Variants in SYT9 observed in about 807,000 individuals in gnomAD.
The protein encoded by SYT9 is synaptotagmin 9, also known as synaptotagmin-9.
SYT9 carries 22 observed loss-of-function variants against 48.4 expected under a neutral mutation model. The observed-to-expected ratio is 0.45, with a 90% CI of 0.32 to 0.65. The LOEUF (loss-of-function observed/expected upper bound fraction) is 0.65, where lower values mean the gene tolerates loss of function less well. Ranked by LOEUF, SYT9 falls within the 30% of genes least tolerant of loss-of-function variation. The probability of loss-of-function intolerance (pLI) is 0.03; values close to 1 mark genes in which losing one functional copy is unlikely to be tolerated. For synonymous variants in SYT9, 265 were observed against 245.0 expected (o/e 1.08, Z -0.76); for missense variants, 577 against 622.0 (o/e 0.93, Z 0.77).
chr11:7,303,800 T>C (rs1217137266), intron 2 of SYT9, among the ~76,000 whole-genome samples: 1 of 152,190 alleles, frequency 6.6e-6, no homozygotes, highest in East Asian at 1.9e-4. Flanking sequence ...GAATCTGAGC[T>C]CTTAACCACC....
rs545351963 is a variant in SYT9, at chr11:7,467,970, C to G, written c.*1170C>G. ...ACCAAGTCTGCCAACCAATGGCCAG[C>G]TATGCGCCTCATCCTCATTGCTTCT... On this transcript the variant is annotated 3_prime_UTR_variant, in exon 7 of 7. Transcript: ENST00000318881. 5 of 283,962 alleles carry G rather than the reference C, an allele frequency of 1.8e-5. No individual in the cohort carries two copies. Among genetic ancestry groups the G allele is most frequent in the African/African-American group, 6.5e-5 (3 of 45,986 alleles). 17.6% of individuals were successfully genotyped at this position (283,962 alleles called of 1,614,324 possible).
At chr11:7,426,035 AG>A (rs1478248565) in intron 6 of SYT9, among the ~76,000 whole-genome samples, 1 of 152,230 alleles carries the variant, frequency 6.6e-6, no homozygotes, top group African/African-American at 2.4e-5. Flanking sequence ...AAACAGGAAG[AG>A]GTAAATGAAC....
At chr11:7,381,070 C>T (rs79749210) in intron 3 of SYT9, among the ~76,000 whole-genome samples, 2,472 of 152,166 alleles carry the variant, frequency 0.016, 71 homozygotes, top group African/African-American at 0.057. Context: ...TTGAATCATT[C>T]GTGGCATGCT....
intron 3 of SYT9, among the ~76,000 whole-genome samples, chr11:7,318,280 A>G (rs1362354106): frequency 6.6e-6 from 1 of 151,226 alleles, no homozygotes; most frequent in East Asian, 1.9e-4. Context: ...TCTTTATGTT[A>G]ATATATCTTC....
At chr11:7,362,936 G>A (rs1326489155) in intron 3 of SYT9, among the ~76,000 whole-genome samples, 1 of 75,292 alleles carries the variant, frequency 1.3e-5, no homozygotes, top group East Asian at 3.5e-4. Context: ...CTTTCTTCTT[G>A]CCATTTATTG....
At chr11:7,300,464 T>G (rs1402570234) in intron 1 of SYT9, among the ~76,000 whole-genome samples, 4 of 152,234 alleles carry the variant, frequency 2.6e-5, no homozygotes, top group Non-Finnish European at 4.4e-5. Context: ...GGATTTATGC[T>G]TCTCCCTTGG....
intron 6 of SYT9, among the ~76,000 whole-genome samples, chr11:7,423,600 T>C (rs1847396643): frequency 6.6e-6 from 1 of 152,180 alleles, no homozygotes; most frequent in South Asian, 2.1e-4. Context: ...TAATAAACAC[T>C]CAGTAAAGTT....
In SYT9 at chr11:7,333,982, C is replaced by T. The variant is rs188628729; in HGVS notation, c.1044+20041C>T. 7.2e-5 allele frequency among the ~76,000 whole-genome samples: 11 copies of T among 152,216 alleles called. No individual in the cohort carries two copies. The East Asian group carries it at 1.5e-3, about 21-fold the overall frequency. ...GTGCTGCAGAGGAAACGTAGGCAAGCGCTTCCTGTGGCACCTAACCTGGCC... is the reference window on the plus strand; with the variant it reads ...GTGCTGCAGAGGAAACGTAGGCAAGTGCTTCCTGTGGCACCTAACCTGGCC... On this transcript the variant is annotated intron_variant, in intron 3 of 6. Coordinates refer to ENST00000318881, the MANE Select transcript of SYT9 (RefSeq NM_175733.4).
At chr11:7,386,931 A>G (rs1850672408) in intron 3 of SYT9, among the ~76,000 whole-genome samples, 1 of 152,242 alleles carries the variant, frequency 6.6e-6, no homozygotes, top group South Asian at 2.1e-4. Flanking sequence ...GGATTAAGAA[A>G]ATGTGGCACA....
At chr11:7,369,966 A>C (rs1464251648) in intron 3 of SYT9, among the ~76,000 whole-genome samples, 1 of 152,070 alleles carries the variant, frequency 6.6e-6, no homozygotes, top group African/African-American at 2.4e-5. Flanking sequence ...AAGTTGTTTA[A>C]CGGTGATTTG....
At chr11:7,357,900 C>A (rs1395412004) in intron 3 of SYT9, among the ~76,000 whole-genome samples, 1 of 151,744 alleles carries the variant, frequency 6.6e-6, no homozygotes, top group Non-Finnish European at 1.5e-5. Context: ...TATCTATAGA[C>A]ATAATTTATT....
intron 3 of SYT9, among the ~76,000 whole-genome samples, chr11:7,314,569 G>A (rs1849206523): frequency 1.3e-5 from 2 of 152,152 alleles, no homozygotes; most frequent in African/African-American, 4.8e-5. Context: ...AGAAGTCAAA[G>A]GTGCTATGTA....
At chr11:7,267,727 A>G (rs1294843838) in intron 1 of SYT9, among the ~76,000 whole-genome samples, 3 of 151,946 alleles carry the variant, frequency 2.0e-5, no homozygotes, top group Non-Finnish European at 2.9e-5. Flanking sequence ...CAAAGCATCA[A>G]TAAAACCAAA....
At chr11:7,389,065 G>T (rs1268409201) in intron 3 of SYT9, among the ~76,000 whole-genome samples, 1 of 152,174 alleles carries the variant, frequency 6.6e-6, no homozygotes, top group Admixed American at 6.6e-5. Context: ...GCTTGAACCT[G>T]CACATTCTAA....
At chr11:7,422,238 T>C (rs911008160) in intron 6 of SYT9, among the ~76,000 whole-genome samples, 4 of 152,112 alleles carry the variant, frequency 2.6e-5, no homozygotes, top group African/African-American at 9.7e-5. Flanking sequence ...CCAAGGGACA[T>C]CTTTGTTGGA....
At chr11:7,428,710 CAG>C (rs1324457043) in intron 6 of SYT9, among the ~76,000 whole-genome samples, 2 of 152,200 alleles carry the variant, frequency 1.3e-5, no homozygotes, top group Non-Finnish European at 2.9e-5. Flanking sequence ...AGGGGAAGGG[CAG>C]AGTCTCATTT....
chr11:7,360,191 G>T (rs1350366935), intron 3 of SYT9, among the ~76,000 whole-genome samples: 1 of 152,178 alleles, frequency 6.6e-6, no homozygotes, highest in Non-Finnish European at 1.5e-5. Context: ...TGAGGGCTCT[G>T]TTCTGCTCCA....
chr11:7,428,754 T>A (rs1191600506), intron 6 of SYT9, among the ~76,000 whole-genome samples: 1 of 152,156 alleles, frequency 6.6e-6, no homozygotes, highest in Non-Finnish European at 1.5e-5. Context: ...TTAAGGTGGG[T>A]CTCTCCATGT....
chr11:7,239,889 A>T (rs34345292), intron 1 of SYT9, among the ~76,000 whole-genome samples: 9,829 of 152,272 alleles, frequency 0.065, 379 homozygotes, highest in African/African-American at 0.091. Context: ...AGGTGAAGTT[A>T]CACATTTGAA....
Sources: allele counts gnomAD v4.1 joint callset (sites outside exome capture counted in the v4.1 genomes callset), GRCh38; gene constraint gnomAD v4.1.1; transcripts MANE v1.5; gene names NCBI Gene and HGNC (gene_info 2026-07-23, HGNC 2026-07-21).